The following KAZN variants were observed in gnomAD, a reference collection of about 807,000 sequenced individuals.
KAZN encodes the protein kazrin, periplakin interacting protein.
In KAZN, 40 loss-of-function variants were observed where a neutral mutation model predicts 87.4. That is an observed-to-expected ratio of 0.46 (90% CI 0.36 to 0.60). KAZN has a LOEUF of 0.60. Among genes scored for constraint, KAZN ranks in the 20% least tolerant of loss-of-function variants. The pLI, the probability that KAZN is intolerant of heterozygous loss-of-function variation, is 0.00. For synonymous variants in KAZN, 466 were observed against 458.3 expected, an observed-to-expected ratio of 1.02 and a Z score of -0.22; for missense variants, 898 against 1,073.9, an observed-to-expected ratio of 0.84 and a Z score of 2.29.
chr1:14,131,435 G>A lies in KAZN; in HGVS notation c.92-49000G>A, dbSNP rs139653623. On this transcript the variant is annotated intron_variant, in intron 1 of 16. Transcript: ENST00000636203. ...TACGTTAGAGTTGAAATGGATCTTG[G>A]AATTTGTGTAGTTTGCCTCCTAAGC... Among the ~76,000 whole-genome samples the A allele has an allele frequency of 7.6e-3, 1,159 of 152,200 alleles. 15 individuals carry two copies. The highest frequency in any genetic ancestry group is 0.046 in the South Asian group (223 of 4,798).
chr1:15,026,182 T>C (rs2102194306), intron 2 of KAZN, among the ~76,000 whole-genome samples: 1 of 152,150 alleles, frequency 6.6e-6, no homozygotes, highest in South Asian at 2.1e-4. Context: ...CAGCCTGTAT[T>C]TTCTGGGGCC....
At chr1:14,295,637 G>A (rs1353708545) in intron 2 of KAZN, among the ~76,000 whole-genome samples, 4 of 151,940 alleles carry the variant, frequency 2.6e-5, no homozygotes, top group Admixed American at 2.0e-4. Flanking sequence ...AAAACACATA[G>A]GCATGCAGAG....
chr1:14,571,530 G>A (rs536596965), intron 2 of KAZN, among the ~76,000 whole-genome samples: 36 of 152,254 alleles, frequency 2.4e-4, no homozygotes, highest in African/African-American at 6.7e-4. Context: ...TCCCCATGTG[G>A]GATCAATGGC....
intron 2 of KAZN, among the ~76,000 whole-genome samples, chr1:14,231,291 G>A (rs928610926): frequency 6.6e-6 from 1 of 152,140 alleles, no homozygotes; most frequent in Non-Finnish European, 1.5e-5. Flanking sequence ...CCCCTGAATT[G>A]CTGGTTTGTA....
Position 15,094,995 on chromosome 1 carries a change from A to ACCCCACCTGTGTGAC in KAZN, c.1547+63_1547+64insCCCACCTGTGTGACC. The stretch of plus-strand genomic sequence containing the variant: ...AAAAGTCATCCTGAGGCCTTTGGTC[A>ACCCCACCTGTGTGAC]CACAGGTGGGGTGAGCGGGGCACTG... On this transcript the variant is annotated intron_variant, in intron 10 of 14. Coordinates refer to ENST00000376030, the MANE Select transcript of KAZN (RefSeq NM_201628.3). The surrounding 1 kb of genome is among the most constrained non-coding windows in gnomAD (Gnocchi z 4.5). The ACCCCACCTGTGTGAC allele has an allele frequency of 2.5e-6, 3 of 1,208,646 alleles. No individual in the cohort carries two copies. The highest frequency in any genetic ancestry group is 3.6e-6 in the Non-Finnish European group (3 of 842,504). 74.9% of individuals were successfully genotyped at this position (1,208,646 alleles called of 1,614,324 possible).
intron 1 of KAZN, among the ~76,000 whole-genome samples, chr1:14,752,323 C>G (rs1425430523): frequency 1.3e-5 from 2 of 152,188 alleles, no homozygotes; most frequent in South Asian, 2.1e-4. Flanking sequence ...CCTGATCCAT[C>G]TAATGCCGTT....
At chr1:14,574,164 G>A (rs1675038461) in intron 2 of KAZN, among the ~76,000 whole-genome samples, 1 of 152,320 alleles carries the variant, frequency 6.6e-6, no homozygotes, top group South Asian at 2.1e-4. Flanking sequence ...AAGGAAGAAA[G>A]TGACTGTCAT....
chr1:14,821,344 T>C (rs1646731803), intron 1 of KAZN, among the ~76,000 whole-genome samples: 1 of 151,904 alleles, frequency 6.6e-6, no homozygotes, highest in Non-Finnish European at 1.5e-5. Flanking sequence ...TGAAACCCTG[T>C]CTCTACTAAA....
chr1:14,710,619 C>T (rs553596129), intron 1 of KAZN, among the ~76,000 whole-genome samples: 34 of 152,320 alleles, frequency 2.2e-4, no homozygotes, highest in Middle Eastern at 3.4e-3. Context: ...CTCCCCACCC[C>T]CCGGTACCAG....
At chr1:14,917,774 T>C (rs1475472479) in intron 1 of KAZN, among the ~76,000 whole-genome samples, 1 of 152,192 alleles carries the variant, frequency 6.6e-6, no homozygotes, top group Non-Finnish European at 1.5e-5. Context: ...ACCCCAATGA[T>C]CCTGCCTCCT....
intron 2 of KAZN, among the ~76,000 whole-genome samples, chr1:14,359,606 C>T (rs1659332146): frequency 6.6e-6 from 1 of 152,172 alleles, no homozygotes; most frequent in Non-Finnish European, 1.5e-5. Context: ...GTGAGTCCTT[C>T]AGGAGCTCTT....
intron 1 of KAZN, among the ~76,000 whole-genome samples, chr1:14,838,511 T>C (rs926706131): frequency 1.3e-5 from 2 of 152,178 alleles, no homozygotes; most frequent in African/African-American, 4.8e-5. Context: ...GCTAACTTTA[T>C]CTCCTTCTGT....
At chr1:14,419,433 C>T (rs1487201095) in intron 2 of KAZN, among the ~76,000 whole-genome samples, 1 of 152,140 alleles carries the variant, frequency 6.6e-6, no homozygotes, top group East Asian at 1.9e-4. Flanking sequence ...AACATGAGTG[C>T]CCAAAGCCTG....
chr1:14,888,813 G>A (rs1050655280), intron 1 of KAZN, among the ~76,000 whole-genome samples: 4 of 152,030 alleles, frequency 2.6e-5, no homozygotes, highest in Admixed American at 1.3e-4. Context: ...GGCTCTGCTC[G>A]GTGTCATCTC....
intron 1 of KAZN, among the ~76,000 whole-genome samples, chr1:14,861,706 T>A (rs1431522195): frequency 1.3e-5 from 2 of 152,066 alleles, no homozygotes; most frequent in Non-Finnish European, 2.9e-5. Context: ...CCACACTGAT[T>A]GATGCAAGGT....
chr1:14,210,657 C>T (rs1019574616), intron 2 of KAZN, among the ~76,000 whole-genome samples: 1 of 152,106 alleles, frequency 6.6e-6, no homozygotes, highest in Non-Finnish European at 1.5e-5. Context: ...TTAAATCTAT[C>T]AATATTTACC....
At chr1:14,241,045 A>G (rs1025053878) in intron 2 of KAZN, among the ~76,000 whole-genome samples, 1 of 152,240 alleles carries the variant, frequency 6.6e-6, no homozygotes, top group African/African-American at 2.4e-5. Context: ...TAAGGTAGGT[A>G]TGAAAATTAA....
At chr1:14,978,657 A>T (rs956579595) in intron 2 of KAZN, among the ~76,000 whole-genome samples, 18 of 152,124 alleles carry the variant, frequency 1.2e-4, no homozygotes, top group African/African-American at 4.1e-4. Context: ...CGTGTTGGTC[A>T]CTACTGGCCA....
At position 13,931,444 on chromosome 1, in the gene KAZN, A is replaced by AGG. The variant is rs1183461896; in HGVS notation, c.91+37691_91+37692dup. Among the ~76,000 whole-genome samples, 281 of 98,384 alleles carry AGG rather than the reference A, an allele frequency of 2.9e-3. 2 individuals carry two copies. The highest frequency in any genetic ancestry group is 9.8e-3 in the African/African-American group (260 of 26,530). The allele number at this position is 98,384 out of a possible 152,430, so 64.5% of individuals were successfully genotyped here. A position where few individuals can be genotyped will look rare whatever the true frequency, so the allele number is the denominator to read the frequency against. On this transcript the variant is annotated intron_variant, in intron 1 of 16. Transcript: ENST00000636203. The stretch of plus-strand genomic sequence containing the variant: ...GGAACTGCCAATGTTTTTCAGCCAG[A>AGG]GGGGTGTGTGTGTGTGTGTGTGCAT...
Sources: gnomAD v4.1 joint callset for allele counts (sites outside exome capture counted in the v4.1 genomes callset) on GRCh38, gnomAD v4.1.1 for gene constraint, Gnocchi (gnomAD v3.1) non-coding constraint, MANE v1.5 for transcripts, NCBI Gene and HGNC (gene_info 2026-07-23, HGNC 2026-07-21) for gene names.